SPRYD4: variants seen among roughly 807,000 people sequenced by gnomAD.
The protein encoded by SPRYD4 is SPRY domain-containing protein 4.
SPRYD4 carries 12 observed loss-of-function variants against 16.6 expected under a neutral mutation model. The observed-to-expected ratio is 0.72, with a 90% CI of 0.46 to 1.17. SPRYD4 has a LOEUF of 1.17. Ranked by LOEUF, SPRYD4 falls within the 50% of genes most tolerant of loss-of-function variation. SPRYD4 has a pLI of 0.00. For synonymous variants in SPRYD4, 98 were observed against 105.4 expected (o/e 0.93, Z 0.43); for missense variants, 260 against 260.2 (o/e 1.00, Z 0.00).
In SPRYD4 at chr12:56,471,856, G is replaced by A. The variant is rs371792259; in HGVS notation, c.*2279G>A. 10 of 1,612,286 alleles carry A rather than the reference G, an allele frequency of 6.2e-6. No homozygotes were observed. Among genetic ancestry groups the A allele is most frequent in the Admixed American group, 1.7e-5 (1 of 59,984 alleles). On this transcript the variant is annotated 3_prime_UTR_variant, in exon 2 of 2. Transcript: ENST00000338146. ...TGTGTCCTAGGAATATGGGCAGAAG[G>A]AAAATGAGAAGGCGCAGGTCTTGAA...
In SPRYD4 at chr12:56,472,816, C is replaced by T; in HGVS notation, c.*3239C>T. On this transcript the variant is annotated 3_prime_UTR_variant, in exon 2 of 2. Transcript: ENST00000338146. ...CACCTATGCCAGCTGTGCCCTGTGA[C>T]CCTCCTCCATGGATGCTTAGTCCAA... 7.2e-7 allele frequency: 1 copy of T among 1,384,420 alleles called. No individual in the cohort carries two copies. Among genetic ancestry groups the T allele is most frequent in the South Asian group, 1.2e-5 (1 of 86,102 alleles). The allele number at this position is 1,384,420 out of a possible 1,614,324, so 85.8% of individuals were successfully genotyped here.
rs752534520 is a variant in SPRYD4, at chr12:56,473,183, C to T, written c.*3606C>T. On this transcript the variant is annotated 3_prime_UTR_variant, in exon 2 of 2. Transcript: ENST00000338146. ...GGATTACAGGCGTGAGCCACCGCAC[C>T]TGGCCTTTGAAATATTCTTACAAGC... The T allele has an allele frequency of 6.3e-7, 1 of 1,576,698 alleles. No homozygotes were observed. Among genetic ancestry groups the T allele is most frequent in the African/African-American group, 1.3e-5 (1 of 74,148 alleles).
Position 56,471,991 on chromosome 12 carries a change from G to C in SPRYD4, c.*2414G>C. The C allele has an allele frequency of 7.8e-7, 1 of 1,282,048 alleles. No homozygotes were observed. The highest frequency in any genetic ancestry group is 1.1e-6 in the Non-Finnish European group (1 of 891,204). 79.4% of individuals were successfully genotyped at this position (1,282,048 alleles called of 1,614,324 possible). ...CTCAGTCATAGTCTAGCTGCAAACC[G>C]AAGGGTGTCTAGATAAAACTAGTTG... On this transcript the variant is annotated 3_prime_UTR_variant, in exon 2 of 2. Transcript: ENST00000338146.
At position 56,472,400 on chromosome 12, in the gene SPRYD4, A is replaced by G; in HGVS notation, c.*2823A>G. On this transcript the variant is annotated 3_prime_UTR_variant, in exon 2 of 2. Transcript: ENST00000338146. Reference sequence around the variant, plus strand: ...AGAGATGGGAATGTGATCCTTCCAGAAATATCACTCACTGCCTACCTGTGG... The same window carrying G: ...AGAGATGGGAATGTGATCCTTCCAGGAATATCACTCACTGCCTACCTGTGG... The G allele has an allele frequency of 1.6e-6, 1 of 610,668 alleles. No homozygotes were observed. The highest frequency in any genetic ancestry group is 2.9e-6 in the Non-Finnish European group (1 of 347,072). 37.8% of individuals were successfully genotyped at this position (610,668 alleles called of 1,614,324 possible).
At position 56,475,610 on chromosome 12, in the gene SPRYD4, G is replaced by C; in HGVS notation, c.*6033G>C. ...CCACAATGCTTTCAGTCAGTCCTCT[G>C]AGTAGGGACTTACGTGGCATTGCTG... On this transcript the variant is annotated 3_prime_UTR_variant, in exon 2 of 2. Coordinates refer to ENST00000338146, the MANE Select transcript of SPRYD4 (RefSeq NM_207344.4). 1.2e-6 allele frequency: 2 copies of C among 1,613,360 alleles called. No homozygotes were observed. Among genetic ancestry groups the C allele is most frequent in the Non-Finnish European group, 1.7e-6 (2 of 1,179,300 alleles).
In SPRYD4 at chr12:56,475,402, C is replaced by A; in HGVS notation, c.*5825C>A. 4 of 713,810 alleles carry A rather than the reference C, an allele frequency of 5.6e-6. No individual in the cohort carries two copies. The highest frequency in any genetic ancestry group is 2.9e-5 in the Admixed American group (1 of 34,408). The allele number at this position is 713,810 out of a possible 1,614,324, so 44.2% of individuals were successfully genotyped here. On this transcript the variant is annotated 3_prime_UTR_variant, in exon 2 of 2. Coordinates refer to ENST00000338146, the MANE Select transcript of SPRYD4 (RefSeq NM_207344.4). ...GGCAAGAAAGGGCTTAGGCACAAAC[C>A]ATCACACTGCCTCTCTCATTATGTA...
chr12:56,468,783 C>A (rs1869105775), intron 1 of SPRYD4, 107 bp downstream of exon 1: 6 of 1,267,486 alleles, frequency 4.7e-6, no homozygotes, highest in South Asian at 1.3e-5. Flanking sequence ...TTTTCCTTCC[C>A]CACCTGCCTT....
At position 56,479,364 on chromosome 12, in the gene SPRYD4, G is replaced by A; in HGVS notation, c.*9787G>A. On this transcript the variant is annotated 3_prime_UTR_variant, in exon 2 of 2. Transcript: ENST00000338146. ...TAGTTTCCGTACCTCTAAAATGAGG[G>A]GTTTTAATGATGTGGAAAGACACTA... 1.6e-6 allele frequency: 1 copy of A among 640,768 alleles called. No homozygotes were observed. The highest frequency in any genetic ancestry group is 3.0e-5 in the East Asian group (1 of 33,748). 39.7% of individuals were successfully genotyped at this position (640,768 alleles called of 1,614,324 possible).
chr12:56,469,995 G>T lies in SPRYD4; in HGVS notation c.*418G>T, dbSNP rs1414647967. 1 of 177,140 alleles carries T rather than the reference G, an allele frequency of 5.6e-6. No individual in the cohort carries two copies. Among genetic ancestry groups the T allele is most frequent in the Admixed American group, 5.4e-5 (1 of 18,564 alleles). The allele number at this position is 177,140 out of a possible 1,614,324, so 11.0% of individuals were successfully genotyped here. A position where few individuals can be genotyped will look rare whatever the true frequency, so the allele number is the denominator to read the frequency against. ...TGGGGCTCTACCAGATGGCTGAAGA[G>T]TAAATCCTTTCTACCTCTGGCTGAA... On this transcript the variant is annotated 3_prime_UTR_variant, in exon 2 of 2. Transcript: ENST00000338146.
chr12:56,472,600 G>A lies in SPRYD4; in HGVS notation c.*3023G>A. On this transcript the variant is annotated 3_prime_UTR_variant, in exon 2 of 2. Coordinates refer to ENST00000338146, the MANE Select transcript of SPRYD4 (RefSeq NM_207344.4). ...CTATATCCATTCTAATTCCAAAGCT[G>A]AAGCACTTAACTATTTTGTTACGCT... 1 of 1,182,486 alleles carries A rather than the reference G, an allele frequency of 8.5e-7. No individual in the cohort carries two copies. The highest frequency in any genetic ancestry group is 1.3e-6 in the Non-Finnish European group (1 of 796,956). 73.2% of individuals were successfully genotyped at this position (1,182,486 alleles called of 1,614,324 possible). A position where few individuals can be genotyped will look rare whatever the true frequency, so the allele number is the denominator to read the frequency against.
At position 56,468,600 on chromosome 12, in the gene SPRYD4, G is replaced by A. The variant is rs1440104454; in HGVS notation, c.9G>A (p.Leu3=). 2.5e-6 allele frequency: 4 copies of A among 1,613,352 alleles called. No homozygotes were observed. In the African/African-American group the frequency reaches 5.3e-5, roughly 22 times the overall value. The part of the protein sequence containing the change: MA[L]LFARSLRLCR... The stretch of plus-strand genomic sequence containing the variant: ...TTCATCCAAGGCGCAAGATGGCGCT[G>A]CTTTTTGCACGTTCTTTGCGCTTGT... Residue 3 remains leucine (L), a synonymous_variant, in exon 1 of 2, where the codon CTG becomes CTA. Transcript: ENST00000338146.
rs747171977 is a variant in SPRYD4 at position 56,477,633 on chromosome 12, C to G, written c.*8056C>G. The G allele has an allele frequency of 5.3e-5, 85 of 1,604,786 alleles. No individual in the cohort carries two copies. The highest frequency in any genetic ancestry group is 7.1e-5 in the Non-Finnish European group (83 of 1,173,826). ...AACACAGGAGCTTAGAGGATAATACCTATCAGAAGGTTAAGGTGGCACTGA... is the reference window on the plus strand; with the variant it reads ...AACACAGGAGCTTAGAGGATAATACGTATCAGAAGGTTAAGGTGGCACTGA... On this transcript the variant is annotated 3_prime_UTR_variant, in exon 2 of 2. Transcript: ENST00000338146.
Position 56,478,069 on chromosome 12 carries a change from G to A in SPRYD4, c.*8492G>A. On this transcript the variant is annotated 3_prime_UTR_variant, in exon 2 of 2. Transcript: ENST00000338146. ...GCTTCACACAGGACTGCAGGCAGAA[G>A]GGGATCTTTGTGTGGCCCACAGAGT... The A allele has an allele frequency of 1.2e-6, 2 of 1,614,208 alleles. No homozygotes were observed. The highest frequency in any genetic ancestry group is 1.6e-4 in the Middle Eastern group (1 of 6,062).
Position 56,468,811 on chromosome 12 carries a change from C to G in SPRYD4, c.85+135C>G, listed in dbSNP as rs930395142. ...CCTGCCTTGGTCTTAAGATTCCAAA[C>G]CTGTGATACCATTTGGTTTCTTTAA... is the stretch of plus-strand genomic sequence containing the variant. On this transcript the variant is annotated intron_variant, in intron 1 of 1. Transcript: ENST00000338146. 43 of 1,078,038 alleles carry G rather than the reference C, an allele frequency of 4.0e-5. No homozygotes were observed. In the African/African-American group the frequency reaches 6.0e-4, roughly 15 times the overall value. The allele number at this position is 1,078,038 out of a possible 1,614,324, so 66.8% of individuals were successfully genotyped here. A position where few individuals can be genotyped will look rare whatever the true frequency, so the allele number is the denominator to read the frequency against.
rs200578396 is a variant in SPRYD4, at chr12:56,472,531, TA to T, written c.*2962del. On this transcript the variant is annotated 3_prime_UTR_variant, in exon 2 of 2. Coordinates refer to ENST00000338146, the MANE Select transcript of SPRYD4 (RefSeq NM_207344.4). The stretch of plus-strand genomic sequence containing the variant: ...CATAGAGCAGACAGTTTACTTTTTT[TA>T]AAAAAAATCTCCTTTTTTAAAAAAA... 12 of 662,002 alleles carry T rather than the reference TA, an allele frequency of 1.8e-5. No homozygotes were observed. The highest frequency in any genetic ancestry group is 2.9e-5 in the Admixed American group (1 of 34,292). The allele number at this position is 662,002 out of a possible 1,614,324, so 41.0% of individuals were successfully genotyped here. A position where few individuals can be genotyped will look rare whatever the true frequency, so the allele number is the denominator to read the frequency against.
In SPRYD4 at chr12:56,470,641, G is replaced by A. The variant is rs561491329; in HGVS notation, c.*1064G>A. ...CACCCGGCCAAAACTGTTTATTCTT[G>A]AGAAGTTCCATCTTCATTTCTGCCA... On this transcript the variant is annotated 3_prime_UTR_variant, in exon 2 of 2. Coordinates refer to ENST00000338146, the MANE Select transcript of SPRYD4 (RefSeq NM_207344.4). 6.6e-6 allele frequency: 1 copy of A among 152,286 alleles called. No homozygotes were observed. Among genetic ancestry groups the A allele is most frequent in the East Asian group, 1.9e-4 (1 of 5,172 alleles). The allele number at this position is 152,286 out of a possible 1,614,324, so 9.4% of individuals were successfully genotyped here.
chr12:56,477,447 GT>G lies in SPRYD4; in HGVS notation c.*7871del, dbSNP rs1372301162. On this transcript the variant is annotated 3_prime_UTR_variant, in exon 2 of 2. Transcript: ENST00000338146. ...GACTCATGGGTGGGGGCAGGGAACAGTACTGAGTGGGGATGACGGAGGTGGT... is the reference window on the plus strand; with the variant it reads ...GACTCATGGGTGGGGGCAGGGAACAGACTGAGTGGGGATGACGGAGGTGGT... 7 of 512,556 alleles carry G rather than the reference GT, an allele frequency of 1.4e-5. No homozygotes were observed. The East Asian group carries it at 2.3e-4, about 17-fold the overall frequency. The allele number at this position is 512,556 out of a possible 1,614,324, so 31.8% of individuals were successfully genotyped here.
chr12:56,472,098 C>T lies in SPRYD4; in HGVS notation c.*2521C>T, dbSNP rs775925385. 1 of 1,611,650 alleles carries T rather than the reference C, an allele frequency of 6.2e-7. No individual in the cohort carries two copies. Among genetic ancestry groups the T allele is most frequent in the East Asian group, 2.2e-5 (1 of 44,856 alleles). ...GGGTCTTATGATTACCCTCCTCCTC[C>T]CCTCCTTAACCCTTCAGTACCTTCA... On this transcript the variant is annotated 3_prime_UTR_variant, in exon 2 of 2. Coordinates refer to ENST00000338146, the MANE Select transcript of SPRYD4 (RefSeq NM_207344.4).
In SPRYD4 at chr12:56,476,306, C is replaced by T; in HGVS notation, c.*6729C>T. ...GCCTCCAAGTAGCTCGGATTACAGG[C>T]ATGAGCCAGCTTGCTGGGCCATCCC... On this transcript the variant is annotated 3_prime_UTR_variant, in exon 2 of 2. Transcript: ENST00000338146. The T allele has an allele frequency of 9.6e-6, 3 of 312,752 alleles. No homozygotes were observed. Among genetic ancestry groups the T allele is most frequent in the Non-Finnish European group, 1.8e-5 (3 of 164,454 alleles). 19.4% of individuals were successfully genotyped at this position (312,752 alleles called of 1,614,324 possible).
Sources: allele counts gnomAD v4.1 joint callset, GRCh38; gene constraint gnomAD v4.1.1; transcripts MANE v1.5; gene names NCBI Gene and HGNC (gene_info 2026-07-23, HGNC 2026-07-21).